Variants in ZNF121 observed in about 807,000 individuals in gnomAD.
ZNF121 encodes the protein zinc finger protein 121 (clone ZHC32).
In ZNF121, 1 loss-of-function variant was observed where a neutral mutation model predicts 2.4. That is an observed-to-expected ratio of 0.41 (90% CI 0.15 to 1.94). ZNF121 has a LOEUF of 1.94. Ranked by LOEUF, ZNF121 falls within the 30% of genes most tolerant of loss-of-function variation. ZNF121 has a pLI of 0.30. For synonymous variants in ZNF121, 173 were observed against 158.6 expected (o/e 1.09, Z -0.68); for missense variants, 369 against 466.3 (o/e 0.79, Z 1.92).
chr19:9,565,887 G>T lies in ZNF121; in HGVS notation c.*53C>A. The T allele has an allele frequency of 7.4e-7, 1 of 1,346,044 alleles. No individual in the cohort carries two copies. The highest frequency in any genetic ancestry group is 1.0e-6 in the Non-Finnish European group (1 of 997,774). The allele number at this position is 1,346,044 out of a possible 1,614,324, so 83.4% of individuals were successfully genotyped here. ...GTGTGAATTCAAATGTGGTAATTAT[G>T]GTATGAGAAATTCCTAAAAGATTTC... is the stretch of plus-strand genomic sequence containing the variant. On this transcript the variant is annotated 3_prime_UTR_variant, in exon 4 of 4. Transcript: ENST00000320451.
intron 1 of ZNF121, among the ~76,000 whole-genome samples, chr19:9,583,348 C>G (rs541057471): frequency 6.6e-6 from 1 of 151,268 alleles, no homozygotes; most frequent in African/African-American, 2.4e-5. Flanking sequence ...TTTTTTGAGA[C>G]GGAGTTTCGC....
At chr19:9,575,426 A>C (rs988300794) in intron 1 of ZNF121, among the ~76,000 whole-genome samples, 4 of 151,690 alleles carry the variant, frequency 2.6e-5, no homozygotes, top group African/African-American at 9.7e-5. Context: ...TCATTTCAAA[A>C]AAACAAAAAC....
At chr19:9,580,985 A>T (rs1310186113) in intron 1 of ZNF121, among the ~76,000 whole-genome samples, 1 of 152,228 alleles carries the variant, frequency 6.6e-6, no homozygotes, top group Non-Finnish European at 1.5e-5. Context: ...CACGAAGTAC[A>T]TACTGTCAGC....
At chr19:9,569,838 C>CTTTT (rs752091749) in intron 1 of ZNF121, among the ~76,000 whole-genome samples, 1 of 117,664 alleles carries the variant, frequency 8.5e-6, no homozygotes, top group African/African-American at 3.0e-5. Flanking sequence ...TGGCCGAGAT[C>CTTTT]TTTTTTTTTT....
At position 9,563,199 on chromosome 19, in the gene ZNF121, A is replaced by C. The variant is rs2074111070; in HGVS notation, c.*2741T>G. ...CATAATAAGAAAGGAAAACAGCCTC[A>C]CCACTAACACGGAATAAGTTTTAGT... On this transcript the variant is annotated 3_prime_UTR_variant, in exon 4 of 4. Transcript: ENST00000320451. The C allele has an allele frequency of 6.6e-6, 1 of 152,164 alleles. No homozygotes were observed. 9.4% of individuals were successfully genotyped at this position (152,164 alleles called of 1,614,324 possible).
chr19:9,571,341 T>C (rs2074172816), intron 1 of ZNF121, among the ~76,000 whole-genome samples: 1 of 152,192 alleles, frequency 6.6e-6, no homozygotes, highest in African/African-American at 2.4e-5. Flanking sequence ...TAAACTATAG[T>C]AGCCAAAAAC....
At position 9,563,209 on chromosome 19, in the gene ZNF121, C is replaced by CGGAAT. The variant is rs1439224904; in HGVS notation, c.*2726_*2730dup. ...AAGGAAAACAGCCTCACCACTAACA[C>CGGAAT]GGAATAAGTTTTAGTGGTCTGGATA... is the stretch of plus-strand genomic sequence containing the variant. On this transcript the variant is annotated 3_prime_UTR_variant, in exon 4 of 4. Transcript: ENST00000320451. The CGGAAT allele has an allele frequency of 2.6e-5, 4 of 152,084 alleles. No homozygotes were observed. The highest frequency in any genetic ancestry group is 6.6e-5 in the Admixed American group (1 of 15,248). The allele number at this position is 152,084 out of a possible 1,614,324, so 9.4% of individuals were successfully genotyped here.
At chr19:9,567,838 A>G (rs1047168308) in intron 3 of ZNF121, 9 of 366,312 alleles carry the variant, frequency 2.5e-5, no homozygotes, top group Non-Finnish European at 4.7e-5. Context: ...GGTGGAGTAT[A>G]TGACAGGCAG....
At chr19:9,575,038 A>C (rs1249321975) in intron 1 of ZNF121, among the ~76,000 whole-genome samples, 1 of 152,224 alleles carries the variant, frequency 6.6e-6, no homozygotes, top group Non-Finnish European at 1.5e-5. Flanking sequence ...TCAGCCTCAC[A>C]AAGTGCTGGA....
chr19:9,570,105 C>A (rs755696612), intron 1 of ZNF121, among the ~76,000 whole-genome samples: 3 of 151,902 alleles, frequency 2.0e-5, no homozygotes, highest in Non-Finnish European at 2.9e-5. Context: ...ACTCAGGAGG[C>A]TGAGGCAGGA....
chr19:9,561,762 T>C lies in ZNF121; in HGVS notation c.*4178A>G, dbSNP rs1430318576. 1.3e-5 allele frequency: 2 copies of C among 152,030 alleles called. No individual in the cohort carries two copies. Among genetic ancestry groups the C allele is most frequent in the Non-Finnish European group, 2.9e-5 (2 of 68,050 alleles). 9.4% of individuals were successfully genotyped at this position (152,030 alleles called of 1,614,324 possible). On this transcript the variant is annotated 3_prime_UTR_variant, in exon 4 of 4. Coordinates refer to ENST00000320451, the MANE Select transcript of ZNF121 (RefSeq NM_001008727.5). Reference sequence around the variant, plus strand: ...AAGTGGGTGCGTTAGCATGTGCCTGTGGTCCCAGGTACTCAGGAGACTCAG... The same window carrying C: ...AAGTGGGTGCGTTAGCATGTGCCTGCGGTCCCAGGTACTCAGGAGACTCAG...
intron 1 of ZNF121, among the ~76,000 whole-genome samples, chr19:9,579,944 AATTTTCAAATAGAGGGTGGGAG>A (rs2074237248): frequency 6.6e-6 from 1 of 152,104 alleles, no homozygotes; most frequent in Non-Finnish European, 1.5e-5. Flanking sequence ...ACTTTTTTTG[AATTTTCAAATAGAGGGTGGGAG>A]ATTCTGGGGC....
intron 1 of ZNF121, among the ~76,000 whole-genome samples, chr19:9,570,225 G>T (rs1360422294): frequency 6.6e-6 from 1 of 152,040 alleles, no homozygotes; most frequent in African/African-American, 2.4e-5. Context: ...GAATCAGAGA[G>T]CTTCTTTAGG....
chr19:9,581,468 T>C (rs1045147687), intron 1 of ZNF121, among the ~76,000 whole-genome samples: 3 of 151,964 alleles, frequency 2.0e-5, no homozygotes, highest in Non-Finnish European at 4.4e-5. Flanking sequence ...TCTTTCTAAG[T>C]AAGGAAAGGT....
intron 1 of ZNF121, among the ~76,000 whole-genome samples, chr19:9,570,733 A>AT (rs906947059): frequency 1.8e-5 from 2 of 111,438 alleles, no homozygotes; most frequent in African/African-American, 4.4e-5. Flanking sequence ...CACTTGGCTA[A>AT]TTTTTTGCGA....
At chr19:9,580,743 A>C (rs1195596858) in intron 1 of ZNF121, among the ~76,000 whole-genome samples, 1 of 152,228 alleles carries the variant, frequency 6.6e-6, no homozygotes, top group Non-Finnish European at 1.5e-5. Context: ...TGTCCATGTT[A>C]AATGGCATCC....
Position 9,562,928 on chromosome 19 carries a change from T to C in ZNF121, c.*3012A>G, listed in dbSNP as rs994577907. 4 of 142,762 alleles carry C rather than the reference T, an allele frequency of 2.8e-5. No homozygotes were observed. Among genetic ancestry groups the C allele is most frequent in the Non-Finnish European group, 6.1e-5 (4 of 66,030 alleles). 8.8% of individuals were successfully genotyped at this position (142,762 alleles called of 1,614,324 possible). A position where few individuals can be genotyped will look rare whatever the true frequency, so the allele number is the denominator to read the frequency against. On this transcript the variant is annotated 3_prime_UTR_variant, in exon 4 of 4. Coordinates refer to ENST00000320451, the MANE Select transcript of ZNF121 (RefSeq NM_001008727.5). ...AAAAAAAAAAATTAGCTGGCCATGG[T>C]GGTGCACACCTGCAGTCTTTAGCTA...
At chr19:9,571,029 T>A (rs1384875515) in intron 1 of ZNF121, among the ~76,000 whole-genome samples, 1 of 152,112 alleles carries the variant, frequency 6.6e-6, no homozygotes, top group Non-Finnish European at 1.5e-5. Context: ...CCTACAGAGA[T>A]CTGTGGTGGT....
intron 1 of ZNF121, among the ~76,000 whole-genome samples, chr19:9,582,629 A>G (rs1268867714): frequency 6.6e-6 from 1 of 151,886 alleles, no homozygotes; most frequent in Non-Finnish European, 1.5e-5. Context: ...GTCTCTTCAC[A>G]TGGACGCACC....
Sources: gnomAD v4.1 joint callset for allele counts (sites outside exome capture counted in the v4.1 genomes callset) on GRCh38, gnomAD v4.1.1 for gene constraint, MANE v1.5 for transcripts, NCBI Gene and HGNC (gene_info 2026-07-23, HGNC 2026-07-21) for gene names.